Variants in NR1H4 observed in about 807,000 individuals in gnomAD.
NR1H4 encodes the protein nuclear receptor subfamily 1 group H member 4, also known as bile acid receptor.
In NR1H4, 23 loss-of-function variants were observed where a neutral mutation model predicts 58.5. The ratio of observed to expected loss-of-function variants is 0.39; its 90% CI spans 0.28 to 0.56. NR1H4 has a LOEUF of 0.56. Among genes scored for constraint, NR1H4 ranks in the 20% least tolerant of loss-of-function variants. The pLI, the probability that NR1H4 is intolerant of heterozygous loss-of-function variation, is 0.58. For missense variants in NR1H4, 487 were observed against 576.9 expected, an observed-to-expected ratio of 0.84 and a Z score of 1.60; for synonymous variants, 214 against 198.0, an observed-to-expected ratio of 1.08 and a Z score of -0.68.
At chr12:100,503,539 A>G in intron 3 of NR1H4, 4 of 1,524,394 alleles carry the variant, frequency 2.6e-6, no homozygotes, top group Non-Finnish European at 3.5e-6. Context: ...AGCTCTTGCA[A>G]CTGGACTGAG....
intron 8 of NR1H4, among the ~76,000 whole-genome samples, chr12:100,539,062 A>G (rs963244680): frequency 6.6e-6 from 1 of 152,196 alleles, no homozygotes; most frequent in Non-Finnish European, 1.5e-5. Context: ...ATAATTGAAG[A>G]CAAATAAAAA....
At chr12:100,535,122 C>A in intron 6 of NR1H4, 99 bp downstream of exon 6, 1 of 1,336,424 alleles carries the variant, frequency 7.5e-7, no homozygotes, top group Non-Finnish European at 1.1e-6. Flanking sequence ...GCCACAGGCA[C>A]AGCTGAATTT....
At chr12:100,538,726 G>C (rs1954867950) in intron 8 of NR1H4, among the ~76,000 whole-genome samples, 1 of 152,156 alleles carries the variant, frequency 6.6e-6, no homozygotes, top group African/African-American at 2.4e-5. Context: ...AGTTAAACAT[G>C]TTAATTTGCC....
intron 3 of NR1H4, among the ~76,000 whole-genome samples, chr12:100,505,250 G>A (rs990504326): frequency 1.3e-5 from 2 of 152,166 alleles, no homozygotes; most frequent in Non-Finnish European, 2.9e-5. Context: ...AGATTATGGG[G>A]GAGTGCCATT....
Position 100,532,714 on chromosome 12 carries a change from A to C in NR1H4, c.598+104A>C, listed in dbSNP as rs1198176580. ...ACTTCACATATTAAAGAAGGAACCT[A>C]CTAAGCCATCTAAGTTCTTGAAAAG... On this transcript the variant is annotated intron_variant, in intron 5 of 10. Coordinates refer to ENST00000392986, the MANE Select transcript of NR1H4 (RefSeq NM_001206979.2). 8 of 1,039,052 alleles carry C rather than the reference A, an allele frequency of 7.7e-6. 1 individual carries two copies. The South Asian group carries it at 1.1e-4, about 14-fold the overall frequency. 64.4% of individuals were successfully genotyped at this position (1,039,052 alleles called of 1,614,324 possible).
chr12:100,477,792 C>T (rs1247360553), intron 1 of NR1H4, among the ~76,000 whole-genome samples: 1 of 152,134 alleles, frequency 6.6e-6, no homozygotes, highest in African/African-American at 2.4e-5. Context: ...AAGCTGGTTG[C>T]CATCCAGAAT....
chr12:100,558,096 C>T (rs974272913), intron 9 of NR1H4, among the ~76,000 whole-genome samples: 6 of 151,264 alleles, frequency 4.0e-5, no homozygotes, highest in African/African-American at 9.7e-5. Context: ...CGTGGTGGCT[C>T]ACGCCTATAA....
At chr12:100,509,641 G>A (rs1297385319) in intron 3 of NR1H4, among the ~76,000 whole-genome samples, 1 of 152,174 alleles carries the variant, frequency 6.6e-6, no homozygotes, top group Non-Finnish European at 1.5e-5. Context: ...TTAAGGAATT[G>A]CCAGCTGCAC....
chr12:100,561,690 T>C (rs1368547254), intron 9 of NR1H4, among the ~76,000 whole-genome samples, 195 bp from the exon 10 acceptor site: 1 of 152,248 alleles, frequency 6.6e-6, no homozygotes, highest in Admixed American at 6.5e-5. Flanking sequence ...GTTTTGGCTA[T>C]ATTTTGAGAA....
intron 4 of NR1H4, among the ~76,000 whole-genome samples, chr12:100,517,044 A>G (rs1178045409): frequency 1.3e-5 from 2 of 151,760 alleles, no homozygotes; most frequent in Non-Finnish European, 2.9e-5. Flanking sequence ...AGAATATTAA[A>G]AAACCTCTCT....
intron 9 of NR1H4, among the ~76,000 whole-genome samples, chr12:100,560,021 A>G (rs901287491): frequency 3.3e-5 from 5 of 151,702 alleles, no homozygotes; most frequent in East Asian, 1.9e-4. Context: ...AAATACACCA[A>G]TCAGCACCCT....
chr12:100,545,632 A>T (rs1234697048), intron 9 of NR1H4, among the ~76,000 whole-genome samples: 1 of 114,400 alleles, frequency 8.7e-6, no homozygotes, highest in Admixed American at 1.1e-4. Flanking sequence ...ACAGAGTGAG[A>T]CCTTGTCTCA....
chr12:100,515,535 G>T (rs926791085), intron 4 of NR1H4, among the ~76,000 whole-genome samples: 4 of 152,066 alleles, frequency 2.6e-5, no homozygotes, highest in Non-Finnish European at 4.4e-5. Flanking sequence ...AAAACTGAGG[G>T]TGATTAGTTT....
chr12:100,496,450 G>C (rs145808690), intron 3 of NR1H4, among the ~76,000 whole-genome samples: 4 of 151,998 alleles, frequency 2.6e-5, no homozygotes, highest in African/African-American at 7.3e-5. Context: ...CAAGTGCAAC[G>C]GCCCAAAGTC....
intron 3 of NR1H4, among the ~76,000 whole-genome samples, chr12:100,502,574 C>T (rs149854138): frequency 6.6e-6 from 1 of 152,224 alleles, no homozygotes; most frequent in East Asian, 1.9e-4. Flanking sequence ...CTGTAATGAC[C>T]CTATCAACAA....
chr12:100,513,801 A>AAAGGAAGGAAGGAAGGAAGGAAGG (rs199813041), intron 4 of NR1H4, among the ~76,000 whole-genome samples: 2 of 115,910 alleles, frequency 1.7e-5, no homozygotes, highest in Non-Finnish European at 3.5e-5. Flanking sequence ...TCAAAGACAG[A>AAAGGAAGGAAGGAAGGAAGGAAGG]AAGGAAGGAA....
chr12:100,546,244 A>G (rs1434301043), intron 9 of NR1H4, among the ~76,000 whole-genome samples: 2 of 152,126 alleles, frequency 1.3e-5, no homozygotes, highest in South Asian at 2.1e-4. Context: ...TCTTTGTAGC[A>G]CTTTGAGGTA....
At chr12:100,495,767 GT>G (rs1953702297) in intron 3 of NR1H4, among the ~76,000 whole-genome samples, 1 of 151,936 alleles carries the variant, frequency 6.6e-6, no homozygotes. Context: ...TGAGCTAAAG[GT>G]ATGCCAAAGG....
At chr12:100,494,801 A>G (rs1053898797) in intron 3 of NR1H4, among the ~76,000 whole-genome samples, 11 of 152,382 alleles carry the variant, frequency 7.2e-5, no homozygotes, top group Middle Eastern at 3.4e-3. Flanking sequence ...CTATTGGCAC[A>G]TACCACAGAT....
Sources: gnomAD v4.1 joint callset for allele counts (sites outside exome capture counted in the v4.1 genomes callset) on GRCh38, gnomAD v4.1.1 for gene constraint, MANE v1.5 for transcripts, NCBI Gene and HGNC (gene_info 2026-07-23, HGNC 2026-07-21) for gene names.